The following DSE variants were observed in gnomAD, a reference collection of about 807,000 sequenced individuals.
The protein encoded by DSE is dermatan-sulfate epimerase.
Under a neutral mutation model 84.4 loss-of-function variants are expected in DSE, and 36 were observed. The ratio of observed to expected loss-of-function variants is 0.43; its 90% CI spans 0.33 to 0.56. The LOEUF (loss-of-function observed/expected upper bound fraction) is 0.56. DSE is among the 20% of genes least tolerant of loss of function. DSE has a pLI of 0.06. For synonymous variants in DSE, 410 were observed against 430.1 expected, an observed-to-expected ratio of 0.95 and a Z score of 0.58; for missense variants, 862 against 1,169.6, an observed-to-expected ratio of 0.74 and a Z score of 3.84.
chr6:116,370,055 T>C (rs2114909270), upstream of DSE: 1 of 937,416 alleles, frequency 1.1e-6, no homozygotes, highest in Non-Finnish European at 1.5e-6. Flanking sequence ...TCACATCTCC[T>C]TGGGGCCTGG....
In DSE at chr6:116,407,156, A is replaced by G. The variant is rs140420885; in HGVS notation, c.416+7490A>G. Among the ~76,000 whole-genome samples the G allele has an allele frequency of 2.0e-5, 3 of 152,280 alleles. No individual in the cohort carries two copies. In the East Asian group the frequency reaches 5.8e-4, roughly 29 times the overall value. On this transcript the variant is annotated intron_variant, in intron 2 of 5. Coordinates refer to ENST00000644252, the MANE Select transcript of DSE (RefSeq NM_013352.4). ...CCTGGGTTTCGCCCAGACTCACTGA[A>G]TCATATCTTCTTGGAGTAGGCCACA... is the stretch of plus-strand genomic sequence containing the variant.
exon 2 of DSE, chr6:116,258,828 G>A: frequency 6.2e-7 from 1 of 1,608,618 alleles, no homozygotes; most frequent in Non-Finnish European, 8.5e-7. Flanking sequence ...TGACCTCGAA[G>A]GCATGCTTGA....
intron 2 of DSE, among the ~76,000 whole-genome samples, chr6:116,271,572 T>TG (rs1198027317): frequency 1.3e-5 from 2 of 152,176 alleles, no homozygotes; most frequent in African/African-American, 2.4e-5. Context: ...GACCAGAGGA[T>TG]GACAGACCTC....
chr6:116,400,650 AGAGC>A (rs1781535935), intron 2 of DSE: 1 of 152,214 alleles, frequency 6.6e-6, no homozygotes, highest in African/African-American at 2.4e-5. Context: ...AATCCATATC[AGAGC>A]TGATATTTTA....
Position 116,259,075 on chromosome 6 carries a change from G to T in DSE, c.-54+108G>T, listed in dbSNP as rs377543039. ...CTTCCCAAAGAGCTTGATGTCTGGGGTCTCTGCCACTGCTGGTGCTGCTGT... is the reference window on the plus strand; with the variant it reads ...CTTCCCAAAGAGCTTGATGTCTGGGTTCTCTGCCACTGCTGGTGCTGCTGT... On this transcript the variant is annotated intron_variant, in intron 2 of 3. Coordinates refer to the DSE transcript ENST00000430252. The T allele has an allele frequency of 3.0e-4, 466 of 1,546,292 alleles. 1 individual carries two copies. In the African/African-American group the frequency reaches 5.2e-3, roughly 17 times the overall value.
chr6:116,282,008 A>G (rs1369490431), intron 2 of DSE, among the ~76,000 whole-genome samples: 2 of 152,260 alleles, frequency 1.3e-5, no homozygotes, highest in African/African-American at 4.8e-5. Flanking sequence ...TTGTGTGGTC[A>G]CACTGTATGA....
At chr6:116,420,222 A>G (rs1782981269) in intron 2 of DSE, among the ~76,000 whole-genome samples, 1 of 152,174 alleles carries the variant, frequency 6.6e-6, no homozygotes, top group African/African-American at 2.4e-5. Flanking sequence ...TTTTAGCAGT[A>G]TTTGTGTAAA....
intron 1 of DSE, among the ~76,000 whole-genome samples, chr6:116,379,706 C>T (rs910557988): frequency 8.5e-5 from 13 of 152,068 alleles, no homozygotes; most frequent in African/African-American, 3.1e-4. Context: ...AGATATTCAC[C>T]ATTAAAATTT....
intron 1 of DSE, among the ~76,000 whole-genome samples, chr6:116,377,500 G>A (rs1779997354): frequency 6.6e-6 from 1 of 152,196 alleles, no homozygotes; most frequent in Admixed American, 6.5e-5. Context: ...GTAATCTGCA[G>A]ATGATGTCGT....
chr6:116,298,340 G>A (rs1421672960), intron 2 of DSE, among the ~76,000 whole-genome samples: 1 of 152,192 alleles, frequency 6.6e-6, no homozygotes, highest in Admixed American at 6.6e-5. Context: ...TTGAGATAGG[G>A]ATATTGTCCT....
At chr6:116,295,058 C>T (rs1774572741) in intron 2 of DSE, among the ~76,000 whole-genome samples, 1 of 152,076 alleles carries the variant, frequency 6.6e-6, no homozygotes, top group African/African-American at 2.4e-5. Context: ...AATCATACTG[C>T]AGTGTGAAAA....
At chr6:116,294,783 A>G (rs4945554) in intron 2 of DSE, among the ~76,000 whole-genome samples, 36,639 of 152,118 alleles carry the variant, frequency 0.24, 5,544 homozygotes, top group East Asian at 0.64. Context: ...ACATAAGGAA[A>G]AAGAGGAGAT....
At chr6:116,420,397 TAAGA>T (rs1782993666) in intron 2 of DSE, among the ~76,000 whole-genome samples, 2 of 152,176 alleles carry the variant, frequency 1.3e-5, no homozygotes, top group African/African-American at 4.8e-5. Context: ...AGTGCCCTGA[TAAGA>T]AGCGGTGCCA....
rs946182426 is a variant in DSE at position 116,279,886 on chromosome 6, C to T, written c.-54+20919C>T. On this transcript the variant is annotated intron_variant, in intron 2 of 3. Transcript: ENST00000430252. The stretch of plus-strand genomic sequence containing the variant: ...ACGCCCGTTTTCCTCAGAGGCCGAA[C>T]TGGGAGCTAACCGCCGCTCGCACCG... 3.7e-6 allele frequency: 6 copies of T among 1,611,918 alleles called. No homozygotes were observed. The Admixed American group carries it at 6.7e-5, about 18-fold the overall frequency.
chr6:116,282,876 C>T (rs1396581501), intron 2 of DSE, among the ~76,000 whole-genome samples: 1 of 152,050 alleles, frequency 6.6e-6, no homozygotes, highest in Non-Finnish European at 1.5e-5. Flanking sequence ...AGGAGGAACT[C>T]TCTAGGAATG....
At chr6:116,305,454 A>G (rs1437346951) in intron 2 of DSE, among the ~76,000 whole-genome samples, 1 of 152,246 alleles carries the variant, frequency 6.6e-6, no homozygotes, top group African/African-American at 2.4e-5. Context: ...TGAAGGAGAC[A>G]AAAGAAGCAA....
intron 2 of DSE, among the ~76,000 whole-genome samples, chr6:116,299,504 TTATATATATATATATA>T (rs71553739): frequency 6.9e-4 from 8 of 11,514 alleles, no homozygotes; most frequent in African/African-American, 1.6e-3. Flanking sequence ...TGAATTATTT[TTATATATATATATATA>T]TATATATATA....
rs1183917526 is a variant in DSE, at chr6:116,441,886, G to C, written c.*4541G>C. The C allele has an allele frequency of 6.6e-6, 1 of 152,166 alleles. No individual in the cohort carries two copies. Among genetic ancestry groups the C allele is most frequent in the Non-Finnish European group, 1.5e-5 (1 of 68,038 alleles). 9.4% of individuals were successfully genotyped at this position (152,166 alleles called of 1,614,324 possible). A position where few individuals can be genotyped will look rare whatever the true frequency, so the allele number is the denominator to read the frequency against. ...TGTTTTAGGAACTGAAGATATGGTAGAGAATAGGAATAATAAAAGCTGGCC... is the reference window on the plus strand; with the variant it reads ...TGTTTTAGGAACTGAAGATATGGTACAGAATAGGAATAATAAAAGCTGGCC... On this transcript the variant is annotated 3_prime_UTR_variant, in exon 6 of 6. Transcript: ENST00000644252.
intron 2 of DSE, among the ~76,000 whole-genome samples, chr6:116,421,476 T>A (rs1449618694): frequency 8.3e-6 from 1 of 120,998 alleles, no homozygotes; most frequent in African/African-American, 3.5e-5. Context: ...TTTTTTTTTT[T>A]TTTTTTTTTT....
Sources: allele counts gnomAD v4.1 joint callset (sites outside exome capture counted in the v4.1 genomes callset), GRCh38; gene constraint gnomAD v4.1.1; transcripts MANE v1.5; gene names NCBI Gene and HGNC (gene_info 2026-07-23, HGNC 2026-07-21).